Variants in DNAJC6 observed in about 807,000 individuals in gnomAD.
DNAJC6 encodes the protein DnaJ heat shock protein family (Hsp40) member C6, also known as auxilin.
Under a neutral mutation model 110.0 loss-of-function variants are expected in DNAJC6, and 34 were observed. The ratio of observed to expected loss-of-function variants is 0.31; its 90% CI spans 0.24 to 0.41. DNAJC6 has a LOEUF of 0.41. Ranked by LOEUF, DNAJC6 falls within the 10% of genes least tolerant of loss-of-function variation. The probability of loss-of-function intolerance (pLI) is 1.00; values close to 1 mark genes in which losing one functional copy is unlikely to be tolerated. For missense variants in DNAJC6, 1,031 were observed against 1,207.8 expected (o/e 0.85, Z 2.17); for synonymous variants, 406 against 437.2 (o/e 0.93, Z 0.89).
chr1:65,342,917 A>C (rs541114995), intron 1 of DNAJC6, among the ~76,000 whole-genome samples: 5 of 152,192 alleles, frequency 3.3e-5, no homozygotes, highest in African/African-American at 9.6e-5. Flanking sequence ...GAAATTAAGC[A>C]CTCTCTTCTC....
Position 65,386,800 on chromosome 1 carries a change from C to A in DNAJC6, c.996-12C>A. The A allele has an allele frequency of 6.2e-7, 1 of 1,608,886 alleles. No homozygotes were observed. Among genetic ancestry groups the A allele is most frequent in the East Asian group, 2.2e-5 (1 of 44,822 alleles). ...ACTCTCTTTCAATGTATATTTTGGT[C>A]TGTGTTTACAGAGAATATCGTGTCC... On this transcript the variant is annotated splice_polypyrimidine_tract_variant and intron_variant, in intron 7 of 18. Coordinates refer to ENST00000371069, the MANE Select transcript of DNAJC6 (RefSeq NM_001256864.2).
intron 1 of DNAJC6, among the ~76,000 whole-genome samples, chr1:65,349,787 T>C (rs545587434): frequency 4.7e-4 from 72 of 152,290 alleles, no homozygotes; most frequent in African/African-American, 1.7e-3. Flanking sequence ...AGGTGATTCT[T>C]TGTATATTTA....
chr1:65,307,506 CTT>C (rs2101341683), upstream of DNAJC6, among the ~76,000 whole-genome samples: 1 of 152,176 alleles, frequency 6.6e-6, no homozygotes, highest in African/African-American at 2.4e-5. Flanking sequence ...ATAATTTTCA[CTT>C]TTCAAAAATG....
chr1:65,278,943 C>T (rs934273859), intron 1 of DNAJC6: 1 of 984,490 alleles, frequency 1.0e-6, no homozygotes, highest in Admixed American at 6.2e-5. Flanking sequence ...CGAGTCAGCA[C>T]TTCACTCCCT....
At chr1:65,365,278 T>C (rs959731855) in intron 2 of DNAJC6, among the ~76,000 whole-genome samples, 1 of 152,240 alleles carries the variant, frequency 6.6e-6, no homozygotes, top group Non-Finnish European at 1.5e-5. Context: ...AGAAGTTTCC[T>C]ACTCTTCCAC....
At position 65,364,704 on chromosome 1, in the gene DNAJC6, G is replaced by C; in HGVS notation, c.263G>C (p.Gly88Ala). The change falls in exon 2 of 19, where the codon GGG (glycine) becomes GCG (alanine). Residue 88 changes from glycine to alanine, a missense_variant. Physicochemically the swap from Gly to Ala is moderately conservative, Grantham distance 60. Transcript: ENST00000371069. ...GLFDMVKGGAGRLFSNLKDNL... is the reference protein window; with the variant it reads ...GLFDMVKGGAARLFSNLKDNL... ...TTTGACATGGTAAAAGGAGGTGCAG[G>C]GAGGCTCTTTAGTAACCTAAAGGAC... 1 of 1,613,206 alleles carries C rather than the reference G, an allele frequency of 6.2e-7. No homozygotes were observed. Among genetic ancestry groups the C allele is most frequent in the East Asian group, 2.2e-5 (1 of 44,834 alleles).
chr1:65,335,182 A>T (rs922153422), intron 1 of DNAJC6, among the ~76,000 whole-genome samples: 1 of 150,620 alleles, frequency 6.6e-6, no homozygotes, highest in Non-Finnish European at 1.5e-5. Flanking sequence ...ATCTTGGCTC[A>T]CTGCAACCTC....
At position 65,274,336 on chromosome 1, in the gene DNAJC6, A is replaced by G. The variant is rs192207551; in HGVS notation, c.-131+9404A>G. 4.0e-5 allele frequency among the ~76,000 whole-genome samples: 6 copies of G among 151,820 alleles called. No homozygotes were observed. The East Asian group carries it at 9.7e-4, about 24-fold the overall frequency. On this transcript the variant is annotated intron_variant, in intron 1 of 19. Transcript: ENST00000263441. Reference sequence around the variant, plus strand: ...TTTATTATTATTATATATTTTTTTGAGATGGAGTCTTGCTCTGTCATCCAG... The same window carrying G: ...TTTATTATTATTATATATTTTTTTGGGATGGAGTCTTGCTCTGTCATCCAG...
intron 4 of DNAJC6, among the ~76,000 whole-genome samples, chr1:65,369,692 G>T (rs976522304): frequency 1.3e-5 from 2 of 152,096 alleles, no homozygotes; most frequent in African/African-American, 4.8e-5. Flanking sequence ...GTGATTGTTT[G>T]TATATGTTCA....
At chr1:65,300,064 GA>G (rs1189398296) in intron 1 of DNAJC6, among the ~76,000 whole-genome samples, 1 of 133,366 alleles carries the variant, frequency 7.5e-6, no homozygotes, top group Admixed American at 7.6e-5. Context: ...AAAAAAAAAA[GA>G]AAAAAAGTCT....
intron 1 of DNAJC6, among the ~76,000 whole-genome samples, chr1:65,275,746 T>C (rs1054530282): frequency 1.3e-5 from 2 of 152,112 alleles, no homozygotes; most frequent in African/African-American, 4.8e-5. Context: ...TCTGTATACT[T>C]AGCCCTTTTC....
At chr1:65,375,515 T>G (rs1206263053) in intron 4 of DNAJC6, among the ~76,000 whole-genome samples, 2 of 151,154 alleles carry the variant, frequency 1.3e-5, no homozygotes, top group African/African-American at 4.9e-5. Context: ...AAGCTCCGCC[T>G]CATGGGTTCA....
chr1:65,299,741 T>C (rs759232640), intron 1 of DNAJC6, among the ~76,000 whole-genome samples: 3 of 152,080 alleles, frequency 2.0e-5, no homozygotes, highest in Non-Finnish European at 2.9e-5. Context: ...TCCCAGTAAA[T>C]ATTTTTGTAA....
chr1:65,302,124 A>ACGT (rs1553135987), intron 1 of DNAJC6, among the ~76,000 whole-genome samples: 1 of 19,238 alleles, frequency 5.2e-5, no homozygotes, highest in African/African-American at 1.3e-3. Flanking sequence ...ATATATATAT[A>ACGT]AAAAATATAT....
intron 14 of DNAJC6, among the ~76,000 whole-genome samples, chr1:65,399,727 C>T (rs1207776341): frequency 6.6e-6 from 1 of 152,172 alleles, no homozygotes; most frequent in Non-Finnish European, 1.5e-5. Context: ...AGCCCCTGGC[C>T]ACCACCCTTC....
intron 1 of DNAJC6, among the ~76,000 whole-genome samples, chr1:65,349,410 T>G (rs1233526940): frequency 6.6e-6 from 1 of 152,070 alleles, no homozygotes; most frequent in Non-Finnish European, 1.5e-5. Flanking sequence ...ATTTACCATT[T>G]CTGGTACACT....
intron 1 of DNAJC6, among the ~76,000 whole-genome samples, chr1:65,300,410 A>G (rs1644968519): frequency 6.6e-6 from 1 of 152,294 alleles, no homozygotes; most frequent in South Asian, 2.1e-4. Flanking sequence ...CAGAAATTGC[A>G]CATATTATTT....
chr1:65,303,002 A>G (rs1645003830), intron 1 of DNAJC6, among the ~76,000 whole-genome samples: 1 of 152,194 alleles, frequency 6.6e-6, no homozygotes, highest in Non-Finnish European at 1.5e-5. Flanking sequence ...CCTGTATTCT[A>G]TTATAGCAGC....
intron 9 of DNAJC6, among the ~76,000 whole-genome samples, chr1:65,388,790 C>T (rs6588142): frequency 0.65 from 98,204 of 152,020 alleles, 32,213 homozygotes; most frequent in African/African-American, 0.79. Flanking sequence ...ATAGAAGCCC[C>T]GCTATAGCAC....
Sources: gnomAD v4.1 joint callset for allele counts (sites outside exome capture counted in the v4.1 genomes callset) on GRCh38, gnomAD v4.1.1 for gene constraint, MANE v1.5 for transcripts, NCBI Gene and HGNC (gene_info 2026-07-23, HGNC 2026-07-21) for gene names.